MCU: variants seen among roughly 807,000 people sequenced by gnomAD.
The protein encoded by MCU is calcium uniporter protein, mitochondrial.
In MCU, 12 loss-of-function variants were observed where a neutral mutation model predicts 45.2. That is an observed-to-expected ratio of 0.27 (90% CI 0.17 to 0.43). The LOEUF (loss-of-function observed/expected upper bound fraction) is 0.43. Among genes scored for constraint, MCU ranks in the 20% least tolerant of loss-of-function variants. The pLI, the probability that MCU is intolerant of heterozygous loss-of-function variation, is 1.00. For synonymous variants in MCU, 160 were observed against 165.1 expected (o/e 0.97, Z 0.24); for missense variants, 324 against 436.7 (o/e 0.74, Z 2.30).
intron 2 of MCU, among the ~76,000 whole-genome samples, chr10:72,858,174 G>T (rs986318038): frequency 2.0e-5 from 3 of 152,148 alleles, no homozygotes; most frequent in Non-Finnish European, 2.9e-5. Context: ...GCTGAGCAGG[G>T]TGGCCAAATA....
intron 1 of MCU, among the ~76,000 whole-genome samples, chr10:72,828,675 AG>A (rs1214842739): frequency 1.3e-5 from 2 of 152,200 alleles, no homozygotes; most frequent in African/African-American, 4.8e-5. Flanking sequence ...TTATGATCAT[AG>A]TAAGGAATTT....
chr10:72,879,273 A>C (rs1845664453), intron 6 of MCU, among the ~76,000 whole-genome samples: 1 of 152,202 alleles, frequency 6.6e-6, no homozygotes, highest in African/African-American at 2.4e-5. Flanking sequence ...AAAAAAATAA[A>C]ATAAAAAAGG....
intron 1 of MCU, among the ~76,000 whole-genome samples, chr10:72,787,064 A>T (rs1031548986): frequency 6.6e-6 from 1 of 152,226 alleles, no homozygotes; most frequent in South Asian, 2.1e-4. Flanking sequence ...TATCCATTTA[A>T]TAATGTAATA....
chr10:72,724,093 A>T (rs1237987219), intron 1 of MCU, among the ~76,000 whole-genome samples: 2 of 152,194 alleles, frequency 1.3e-5, no homozygotes, highest in Non-Finnish European at 2.9e-5. Flanking sequence ...CTATATTTTT[A>T]AAAAATCAAT....
chr10:72,876,156 C>T (rs1845614016), intron 6 of MCU, among the ~76,000 whole-genome samples: 1 of 152,154 alleles, frequency 6.6e-6, no homozygotes, highest in African/African-American at 2.4e-5. Context: ...TCCGGCAAAC[C>T]ACTTCAATGG....
chr10:72,834,850 G>T (rs774966276), intron 2 of MCU, among the ~76,000 whole-genome samples: 1 of 152,122 alleles, frequency 6.6e-6, no homozygotes, highest in African/African-American at 2.4e-5. Flanking sequence ...TGTAGAGACA[G>T]GGTTTCACCA....
At position 72,710,543 on chromosome 10, in the gene MCU, GTTTTTTTT is replaced by G. The variant is rs555887994; in HGVS notation, c.150+18262_150+18269del. Reference sequence around the variant, plus strand: ...TGGAAAGGCCATTCCATCACCTAAGGTTTTTTTTTTTTTTTTTTTTTTTTTTTGGTGGA... The same window carrying G: ...TGGAAAGGCCATTCCATCACCTAAGGTTTTTTTTTTTTTTTTTTTGGTGGA... On this transcript the variant is annotated intron_variant, in intron 1 of 7. Transcript: ENST00000373053. Among the ~76,000 whole-genome samples, 52 of 84,300 alleles carry G rather than the reference GTTTTTTTT, an allele frequency of 6.2e-4. No homozygotes were observed. The East Asian group carries it at 0.015, about 24-fold the overall frequency. 55.3% of individuals were successfully genotyped at this position (84,300 alleles called of 152,430 possible).
intron 1 of MCU, among the ~76,000 whole-genome samples, chr10:72,798,706 G>A (rs1288297273): frequency 4.6e-5 from 7 of 151,952 alleles, no homozygotes; most frequent in Admixed American, 4.6e-4. Context: ...AAATAATACA[G>A]AAGTGTTACA....
At chr10:72,760,201 T>C (rs1043993599) in intron 1 of MCU, among the ~76,000 whole-genome samples, 4 of 152,132 alleles carry the variant, frequency 2.6e-5, no homozygotes, top group African/African-American at 9.7e-5. Context: ...TATACCATGA[T>C]GCCGGGCTAA....
chr10:72,785,193 G>A (rs1368467860), intron 1 of MCU, among the ~76,000 whole-genome samples: 1 of 152,284 alleles, frequency 6.6e-6, no homozygotes. Flanking sequence ...GCCAAACCTG[G>A]CAGTGCTACT....
intron 1 of MCU, among the ~76,000 whole-genome samples, chr10:72,722,977 A>G (rs1333753949): frequency 6.6e-6 from 1 of 151,894 alleles, no homozygotes; most frequent in Non-Finnish European, 1.5e-5. Context: ...CAGGTGGATC[A>G]TGAGGTCAGG....
chr10:72,797,746 G>A lies in MCU; in HGVS notation c.151-36613G>A, dbSNP rs920921474. Among the ~76,000 whole-genome samples the A allele has an allele frequency of 5.3e-5, 8 of 151,900 alleles. No homozygotes were observed. The East Asian group carries it at 9.7e-4, about 18-fold the overall frequency. On this transcript the variant is annotated intron_variant, in intron 1 of 7. Transcript: ENST00000373053. ...GACAGGGTTTCACTGTGTTGGCCAGGCTGGTCTCGAGCTCCTGACCTCAGG... is the reference window on the plus strand; with the variant it reads ...GACAGGGTTTCACTGTGTTGGCCAGACTGGTCTCGAGCTCCTGACCTCAGG...
At chr10:72,816,230 A>G (rs1225241059) in intron 1 of MCU, among the ~76,000 whole-genome samples, 2 of 152,206 alleles carry the variant, frequency 1.3e-5, no homozygotes, top group African/African-American at 4.8e-5. Flanking sequence ...ATATGATTCA[A>G]CACTCATTAA....
chr10:72,743,646 G>T (rs1843368616), intron 1 of MCU, among the ~76,000 whole-genome samples: 1 of 152,048 alleles, frequency 6.6e-6, no homozygotes, highest in South Asian at 2.1e-4. Flanking sequence ...AAGTTATGCA[G>T]ATTAGTGTAT....
At chr10:72,825,470 C>T (rs1844785073) in intron 1 of MCU, among the ~76,000 whole-genome samples, 1 of 152,188 alleles carries the variant, frequency 6.6e-6, no homozygotes. Flanking sequence ...CATCCTCTTG[C>T]TCTTCTACAA....
At chr10:72,849,275 C>CA (rs60515928) in intron 2 of MCU, among the ~76,000 whole-genome samples, 1,327 of 109,620 alleles carry the variant, frequency 0.012, 21 homozygotes, top group East Asian at 0.068. Flanking sequence ...AGCAAGACTC[C>CA]AAAAAAAAAA....
intron 1 of MCU, among the ~76,000 whole-genome samples, chr10:72,767,731 G>T (rs1172245544): frequency 6.6e-6 from 1 of 152,120 alleles, no homozygotes; most frequent in Non-Finnish European, 1.5e-5. Context: ...TTGTGTTTGA[G>T]TGCTGAGTCT....
At position 72,886,480 on chromosome 10, in the gene MCU, G is replaced by T. The variant is rs1845777043; in HGVS notation, c.*658G>T. 6.6e-6 allele frequency: 1 copy of T among 152,296 alleles called. No individual in the cohort carries two copies. Among genetic ancestry groups the T allele is most frequent in the Non-Finnish European group, 1.5e-5 (1 of 68,030 alleles). 9.4% of individuals were successfully genotyped at this position (152,296 alleles called of 1,614,324 possible). On this transcript the variant is annotated 3_prime_UTR_variant, in exon 8 of 8. Coordinates refer to ENST00000373053, the MANE Select transcript of MCU (RefSeq NM_138357.3). ...CCTTCTTAAATGTCTATATATCCCAGTGCTCTGGATCAGTGTCTAAAAATC... is the reference window on the plus strand; with the variant it reads ...CCTTCTTAAATGTCTATATATCCCATTGCTCTGGATCAGTGTCTAAAAATC...
intron 6 of MCU, among the ~76,000 whole-genome samples, chr10:72,881,206 A>G (rs1456721016): frequency 3.3e-5 from 5 of 152,212 alleles, no homozygotes; most frequent in Admixed American, 6.5e-5. Context: ...TTAAATACCT[A>G]TATTAAAAAA....
Sources: allele counts gnomAD v4.1 joint callset (sites outside exome capture counted in the v4.1 genomes callset), GRCh38; gene constraint gnomAD v4.1.1; transcripts MANE v1.5; gene names NCBI Gene and HGNC (gene_info 2026-07-23, HGNC 2026-07-21).